The following TRPS1 variants were observed in gnomAD, a reference collection of about 807,000 sequenced individuals.
TRPS1 encodes the protein zinc finger transcription factor Trps1.
Under a neutral mutation model 101.2 loss-of-function variants are expected in TRPS1, and 6 were observed. The ratio of observed to expected loss-of-function variants is 0.06; its 90% CI spans 0.03 to 0.12. The LOEUF (loss-of-function observed/expected upper bound fraction) is 0.12, where lower values mean the gene tolerates loss of function less well. TRPS1 is among the 10% of genes least tolerant of loss of function. The pLI, the probability that TRPS1 is intolerant of heterozygous loss-of-function variation, is 1.00. For missense variants in TRPS1, 1,363 were observed against 1,567.0 expected, an observed-to-expected ratio of 0.87 and a Z score of 2.20; for synonymous variants, 578 against 589.8, an observed-to-expected ratio of 0.98 and a Z score of 0.29.
At chr8:115,478,926 T>C (rs1419232558) in intron 5 of TRPS1, among the ~76,000 whole-genome samples, 1 of 148,894 alleles carries the variant, frequency 6.7e-6, no homozygotes, top group Non-Finnish European at 1.5e-5. Context: ...TATGTATATA[T>C]GTGTATATAT....
At chr8:115,422,656 G>A (rs983718481) in intron 5 of TRPS1, among the ~76,000 whole-genome samples, 4 of 152,110 alleles carry the variant, frequency 2.6e-5, no homozygotes, top group Non-Finnish European at 4.4e-5. Flanking sequence ...GTGAGCCACC[G>A]CACCCAGCCC....
intron 1 of TRPS1, among the ~76,000 whole-genome samples, chr8:115,663,174 T>C (rs1811845207): frequency 6.6e-6 from 1 of 151,430 alleles, no homozygotes; most frequent in South Asian, 2.1e-4. Flanking sequence ...TAATAACAGA[T>C]TGAAAAACAA....
chr8:115,657,328 C>T (rs1438437644), intron 1 of TRPS1, among the ~76,000 whole-genome samples: 1 of 152,070 alleles, frequency 6.6e-6, no homozygotes, highest in African/African-American at 2.4e-5. Context: ...AATTCCAAAC[C>T]TCAGAACTAT....
At chr8:115,606,849 G>A (rs1370756006) in intron 3 of TRPS1, among the ~76,000 whole-genome samples, 1 of 150,148 alleles carries the variant, frequency 6.7e-6, no homozygotes, top group Non-Finnish European at 1.5e-5. Flanking sequence ...TATTTAAATG[G>A]ATAGCCATCA....
At chr8:115,535,324 G>GCATATAT (rs1816279812) in intron 5 of TRPS1, among the ~76,000 whole-genome samples, 3 of 40,164 alleles carry the variant, frequency 7.5e-5, no homozygotes, top group African/African-American at 2.2e-4. Context: ...AGCATATATA[G>GCATATAT]AGCATATATA....
chr8:115,640,674 C>T (rs1458489595), intron 1 of TRPS1, among the ~76,000 whole-genome samples: 3 of 152,174 alleles, frequency 2.0e-5, no homozygotes, highest in African/African-American at 7.2e-5. Flanking sequence ...GTATGTGTTC[C>T]AAAGGACTGA....
chr8:115,546,614 A>C (rs1816579965), intron 5 of TRPS1, among the ~76,000 whole-genome samples: 1 of 152,038 alleles, frequency 6.6e-6, no homozygotes, highest in Middle Eastern at 3.2e-3. Flanking sequence ...ACACACACAG[A>C]GCCACGGAGG....
At chr8:115,469,072 T>C in intron 5 of TRPS1, among the ~76,000 whole-genome samples, 1 of 152,058 alleles carries the variant, frequency 6.6e-6, no homozygotes, top group East Asian at 1.9e-4. Context: ...GCCTGGGAGG[T>C]TGAGGCTGCA....
chr8:115,583,453 T>G (rs1055950647), intron 5 of TRPS1, among the ~76,000 whole-genome samples: 2 of 152,088 alleles, frequency 1.3e-5, no homozygotes, highest in Non-Finnish European at 2.9e-5. Flanking sequence ...ATAAAAACAC[T>G]GGGTTTTCAA....
At chr8:115,522,771 G>A (rs1270649076) in intron 5 of TRPS1, among the ~76,000 whole-genome samples, 1 of 152,048 alleles carries the variant, frequency 6.6e-6, no homozygotes, top group Non-Finnish European at 1.5e-5. Flanking sequence ...TGGTCTTACA[G>A]CATTTACTCT....
chr8:115,413,457 C>A lies in TRPS1; in HGVS notation c.*566G>T, dbSNP rs565010164. The stretch of plus-strand genomic sequence containing the variant: ...ACTCTAACCAAGCCTAACCACAGCT[C>A]GCATTTCTAGGTCAAAATCTGAAAC... On this transcript the variant is annotated 3_prime_UTR_variant, in exon 7 of 7. Coordinates refer to ENST00000395715, the MANE Select transcript of TRPS1 (RefSeq NM_014112.5). The A allele has an allele frequency of 6.5e-6, 1 of 153,158 alleles. No homozygotes were observed. Among genetic ancestry groups the A allele is most frequent in the Non-Finnish European group, 1.5e-5 (1 of 68,550 alleles). The allele number at this position is 153,158 out of a possible 1,614,324, so 9.5% of individuals were successfully genotyped here. A position where few individuals can be genotyped will look rare whatever the true frequency, so the allele number is the denominator to read the frequency against.
intron 5 of TRPS1, among the ~76,000 whole-genome samples, chr8:115,500,497 C>A (rs903127263): frequency 6.6e-6 from 1 of 152,156 alleles, no homozygotes; most frequent in East Asian, 1.9e-4. Context: ...AAAATCTTCA[C>A]CCTGAACAAC....
chr8:115,608,260 T>C (rs1818084874), intron 3 of TRPS1, among the ~76,000 whole-genome samples: 1 of 152,220 alleles, frequency 6.6e-6, no homozygotes, highest in African/African-American at 2.4e-5. Flanking sequence ...GCAGTTCCTT[T>C]GGTAAAGACA....
chr8:115,641,779 C>T lies in TRPS1; in HGVS notation c.-121-18021G>A, dbSNP rs371383816. ...CCTGTAGTCTCAGCTACTCGGGAGG[C>T]TAAGGCAGGAGAATCACTTGAACCT... On this transcript the variant is annotated intron_variant, in intron 1 of 6. Coordinates refer to ENST00000395715, the MANE Select transcript of TRPS1 (RefSeq NM_014112.5). Among the ~76,000 whole-genome samples the T allele has an allele frequency of 8.0e-4, 122 of 152,246 alleles. 2 individuals are homozygous for T. The highest frequency in any genetic ancestry group is 2.9e-3 in the African/African-American group (119 of 41,558).
intron 5 of TRPS1, among the ~76,000 whole-genome samples, chr8:115,428,067 G>C (rs919828121): frequency 1.3e-5 from 2 of 152,088 alleles, no homozygotes; most frequent in Admixed American, 1.3e-4. Context: ...GAAAAATGGT[G>C]CTGGGGTTTT....
chr8:115,582,009 T>C (rs1817463401), intron 5 of TRPS1, among the ~76,000 whole-genome samples: 1 of 152,124 alleles, frequency 6.6e-6, no homozygotes, highest in Non-Finnish European at 1.5e-5. Context: ...AAAGAGAAAC[T>C]ACCAACAGGG....
chr8:115,417,793 G>A (rs1269069704), intron 6 of TRPS1, among the ~76,000 whole-genome samples: 3 of 152,054 alleles, frequency 2.0e-5, no homozygotes, highest in East Asian at 3.9e-4. Flanking sequence ...GAAGGCCCTG[G>A]GGAGATTCAT....
intron 5 of TRPS1, among the ~76,000 whole-genome samples, chr8:115,535,385 A>G (rs1440734458): frequency 6.9e-6 from 1 of 145,680 alleles, no homozygotes; most frequent in African/African-American, 2.5e-5. Flanking sequence ...TATATATAGC[A>G]CATATATAGC....
intron 2 of TRPS1, among the ~76,000 whole-genome samples, chr8:115,623,341 T>C (rs1448212222): frequency 6.6e-6 from 1 of 152,080 alleles, no homozygotes; most frequent in Non-Finnish European, 1.5e-5. Context: ...GACTATACTT[T>C]GAAGTAGCTA....
Sources: allele counts gnomAD v4.1 joint callset (sites outside exome capture counted in the v4.1 genomes callset), GRCh38; gene constraint gnomAD v4.1.1; transcripts MANE v1.5; gene names NCBI Gene and HGNC (gene_info 2026-07-23, HGNC 2026-07-21).